The following GRID2 variants were observed in gnomAD, a reference collection of about 807,000 sequenced individuals.
GRID2 encodes the protein glutamate ionotropic receptor delta type subunit 2.
GRID2 carries 33 observed loss-of-function variants against 114.8 expected under a neutral mutation model. The observed-to-expected ratio is 0.29, with a 90% CI of 0.22 to 0.38. The LOEUF (loss-of-function observed/expected upper bound fraction) is 0.38, where lower values mean the gene tolerates loss of function less well. Ranked by LOEUF, GRID2 falls within the 10% of genes least tolerant of loss-of-function variation. The pLI is 1.00. For synonymous variants in GRID2, 505 were observed against 449.9 expected (o/e 1.12, Z -1.55); for missense variants, 1,184 against 1,257.7 (o/e 0.94, Z 0.89).
intron 1 of GRID2, among the ~76,000 whole-genome samples, chr4:92,500,398 ATATTTT>A (rs1553942478): frequency 1.3e-5 from 2 of 152,024 alleles, no homozygotes; most frequent in Non-Finnish European, 2.9e-5. Context: ...AAAAAAAAAC[ATATTTT>A]TATTCACATT....
At position 92,304,699 on chromosome 4, in the gene GRID2, T is replaced by A; in HGVS notation, c.43T>A (p.Ser15Thr). ...TCTCTTGGTTTTGTCCGTCTGGTGG[T>A]CTCGAACCTGGGACTCGGCGAATGC... Reference protein sequence around the residue: ...PFLLVLSVWWSRTWDSANADS... With the variant: ...PFLLVLSVWWTRTWDSANADS... The change falls in exon 1 of 16, where the codon TCT (serine) becomes ACT (threonine). Residue 15 changes from serine to threonine, a missense_variant. By Grantham distance (58) the Ser-to-Thr change is moderately conservative. This residue lies in a region of GRID2 where 455 missense variants were observed against 429.5 expected (regional missense o/e 1.06). Transcript: ENST00000282020. 1 of 1,613,736 alleles carries A rather than the reference T, an allele frequency of 6.2e-7. No homozygotes were observed. Among genetic ancestry groups the A allele is most frequent in the Non-Finnish European group, 8.5e-7 (1 of 1,179,702 alleles).
chr4:93,030,412 T>C (rs1724297049), intron 2 of GRID2, among the ~76,000 whole-genome samples: 1 of 146,558 alleles, frequency 6.8e-6, no homozygotes, highest in African/African-American at 2.5e-5. Context: ...TGAGATGGAG[T>C]CTCACTCTAG....
intron 2 of GRID2, chr4:92,838,648 T>A (rs1033201306): frequency 3.9e-5 from 6 of 152,030 alleles, no homozygotes; most frequent in African/African-American, 1.4e-4. Context: ...CTTGAAAAAA[T>A]AACTTTAATA....
chr4:92,767,032 CA>C (rs1488607513), intron 2 of GRID2, among the ~76,000 whole-genome samples: 2 of 152,162 alleles, frequency 1.3e-5, no homozygotes, highest in African/African-American at 4.8e-5. Flanking sequence ...TGGAGCTATG[CA>C]AAGTCATATG....
At chr4:92,668,789 AC>A (rs1185127344) in intron 2 of GRID2, among the ~76,000 whole-genome samples, 2 of 151,740 alleles carry the variant, frequency 1.3e-5, no homozygotes, top group Non-Finnish European at 2.9e-5. Context: ...TGCTTCCTCC[AC>A]TCTGCTTACT....
chr4:93,697,869 G>GTATATATATATATATACATATA (rs749542291), intron 14 of GRID2, among the ~76,000 whole-genome samples: 1 of 122,658 alleles, frequency 8.2e-6, no homozygotes, highest in Non-Finnish European at 1.7e-5. Flanking sequence ...CACAATGTGT[G>GTATATATATATATATACATATA]TATATATATA....
At chr4:93,705,936 T>A (rs1473648492) in intron 14 of GRID2, among the ~76,000 whole-genome samples, 1 of 152,134 alleles carries the variant, frequency 6.6e-6, no homozygotes, top group Non-Finnish European at 1.5e-5. Context: ...TTGAAGAGAC[T>A]GTCCTTTCCT....
At chr4:93,392,603 C>T (rs1170312394) in intron 8 of GRID2, among the ~76,000 whole-genome samples, 1 of 151,874 alleles carries the variant, frequency 6.6e-6, no homozygotes, top group Non-Finnish European at 1.5e-5. Flanking sequence ...ATGAGAAATC[C>T]AGACTGGGTG....
In GRID2 at chr4:93,307,215, TA is replaced by T. The variant is rs1164505879; in HGVS notation, c.1245+68739del. Among the ~76,000 whole-genome samples, 502 of 94,962 alleles carry T rather than the reference TA, an allele frequency of 5.3e-3. 7 individuals are homozygous for T. The highest frequency in any genetic ancestry group is 0.011 in the African/African-American group (292 of 27,354). The allele number at this position is 94,962 out of a possible 152,430, so 62.3% of individuals were successfully genotyped here. On this transcript the variant is annotated intron_variant, in intron 8 of 15. Transcript: ENST00000282020. ...AGACTCCGTCTCAGAAAGAAAAAAA[TA>T]AAAAAAAAAAAAATAAGAGGAAAAG... is the stretch of plus-strand genomic sequence containing the variant.
chr4:92,944,095 A>G (rs193056854), intron 2 of GRID2, among the ~76,000 whole-genome samples: 2 of 152,060 alleles, frequency 1.3e-5, no homozygotes, highest in East Asian at 1.9e-4. Flanking sequence ...GGGAACCACT[A>G]CTCTCTTCAA....
At chr4:93,730,258 G>C (rs1442852025) in intron 14 of GRID2, among the ~76,000 whole-genome samples, 1 of 152,170 alleles carries the variant, frequency 6.6e-6, no homozygotes, top group Non-Finnish European at 1.5e-5. Context: ...AGACAAACAA[G>C]GGATGTAGAT....
chr4:92,414,430 A>C (rs1010339010), intron 1 of GRID2, among the ~76,000 whole-genome samples: 3 of 152,190 alleles, frequency 2.0e-5, no homozygotes, highest in Admixed American at 2.0e-4. Context: ...GCAAGTTTGG[A>C]GTTTTCATAA....
At chr4:93,791,593 T>C (rs1018198769) in intron 1 of GRID2, among the ~76,000 whole-genome samples, 14 of 152,260 alleles carry the variant, frequency 9.2e-5, no homozygotes, top group African/African-American at 3.4e-4. Flanking sequence ...GTGTTTGTTT[T>C]TCAAATTAAA....
intron 2 of GRID2, among the ~76,000 whole-genome samples, chr4:93,032,032 T>A (rs891557807): frequency 2.3e-4 from 35 of 152,210 alleles, no homozygotes; most frequent in Non-Finnish European, 4.9e-4. Context: ...CAGCAACCTA[T>A]AATTTAATAA....
At chr4:93,566,074 A>G (rs797019451) in intron 13 of GRID2, among the ~76,000 whole-genome samples, 54 of 152,228 alleles carry the variant, frequency 3.5e-4, no homozygotes, top group African/African-American at 1.2e-3. Context: ...TTTTTCTAAG[A>G]CGTCAATGTC....
intron 1 of GRID2, among the ~76,000 whole-genome samples, chr4:92,549,765 G>A (rs376398366): frequency 1.3e-4 from 20 of 152,152 alleles, no homozygotes; most frequent in African/African-American, 3.6e-4. Flanking sequence ...GATGATGCCC[G>A]TGATGTTTCT....
intron 13 of GRID2, among the ~76,000 whole-genome samples, chr4:93,539,471 A>G (rs879693982): frequency 3.3e-5 from 5 of 151,934 alleles, no homozygotes; most frequent in South Asian, 2.1e-4. Context: ...ATTCATTTCT[A>G]TCGATATGGT....
intron 1 of GRID2, among the ~76,000 whole-genome samples, chr4:92,393,629 C>T (rs1730356776): frequency 6.6e-6 from 1 of 152,060 alleles, no homozygotes; most frequent in South Asian, 2.1e-4. Context: ...TATTTTCTTT[C>T]ACCAACCAAT....
chr4:92,812,271 A>T (rs1207700219), intron 2 of GRID2, among the ~76,000 whole-genome samples: 1 of 152,044 alleles, frequency 6.6e-6, no homozygotes. Context: ...AAAATAAATC[A>T]CTCTGATTTA....
Sources: gnomAD v4.1 joint callset for allele counts (sites outside exome capture counted in the v4.1 genomes callset) on GRCh38, gnomAD v4.1.1 for gene constraint, gnomAD v4.1.1 regional missense constraint, MANE v1.5 for transcripts, NCBI Gene and HGNC (gene_info 2026-07-23, HGNC 2026-07-21) for gene names.